AGAP1: variants seen among roughly 807,000 people sequenced by gnomAD.
The protein encoded by AGAP1 is ArfGAP with GTPase domain, ankyrin repeat and PH domain 1.
A neutral mutation model predicts 105.3 loss-of-function variants in AGAP1; 29 were observed. The ratio of observed to expected loss-of-function variants is 0.28; its 90% CI spans 0.21 to 0.38. The LOEUF (loss-of-function observed/expected upper bound fraction) is 0.38, where lower values mean the gene tolerates loss of function less well. Ranked by LOEUF, AGAP1 falls within the 10% of genes least tolerant of loss-of-function variation. The probability of loss-of-function intolerance (pLI) is 1.00; values close to 1 mark genes in which losing one functional copy is unlikely to be tolerated. For missense variants in AGAP1, 998 were observed against 1,165.1 expected, an observed-to-expected ratio of 0.86 and a Z score of 2.09; for synonymous variants, 509 against 485.9, an observed-to-expected ratio of 1.05 and a Z score of -0.63.
At chr2:236,100,302 T>G (rs1262191226) in intron 16 of AGAP1, among the ~76,000 whole-genome samples, 1 of 152,230 alleles carries the variant, frequency 6.6e-6, no homozygotes, top group Admixed American at 6.5e-5. Flanking sequence ...ATAAAACATC[T>G]GACCAGTTTC....
In AGAP1 at chr2:236,049,119, A is replaced by G; in HGVS notation, c.1952A>G (p.His651Arg). ...ALMCIECSGI[H>R]RNLGTHLSRV... is the part of the protein sequence containing the mutation. ...ATGTGCATCGAATGCTCAGGGATCC[A>G]CCGGAATCTTGGCACCCACCTTTCC... Residue 651 changes from histidine to arginine, a missense_variant, in exon 16 of 18, where the codon CAC (histidine) becomes CGC (arginine). His to Arg is a conservative substitution (Grantham distance 29, BLOSUM62 0). Coordinates refer to ENST00000304032, the MANE Select transcript of AGAP1 (RefSeq NM_001037131.3). 1 of 1,614,206 alleles carries G rather than the reference A, an allele frequency of 6.2e-7. No homozygotes were observed. The highest frequency in any genetic ancestry group is 8.5e-7 in the Non-Finnish European group (1 of 1,180,044).
At chr2:235,590,504 G>A (rs1945289398) in intron 1 of AGAP1, among the ~76,000 whole-genome samples, 1 of 152,008 alleles carries the variant, frequency 6.6e-6, no homozygotes, top group African/African-American at 2.4e-5. Flanking sequence ...GCTGGAAACC[G>A]TGACCATGCC....
chr2:235,507,853 A>G (rs1204131585), intron 1 of AGAP1, among the ~76,000 whole-genome samples: 1 of 152,096 alleles, frequency 6.6e-6, no homozygotes, highest in African/African-American at 2.4e-5. Context: ...CAGGTGTGTT[A>G]TATAGGTAAG....
rs1947982797 is a variant in AGAP1, at chr2:235,662,258, A to T, written c.164-46921A>T. 1.3e-5 allele frequency among the ~76,000 whole-genome samples: 2 copies of T among 152,190 alleles called. No individual in the cohort carries two copies. The highest frequency in any genetic ancestry group is 2.9e-5 in the Non-Finnish European group (2 of 68,042). On this transcript the variant is annotated intron_variant, in intron 1 of 17. Transcript: ENST00000304032. The surrounding 1 kb of genome is among the most constrained non-coding windows in gnomAD (Gnocchi z 4.2). The stretch of plus-strand genomic sequence containing the variant: ...ACTCAGTTGCATGCCAGGTAGTCAC[A>T]TCTTAACTTGTGGCGCGGCTTTAGA...
At chr2:235,956,905 C>G (rs555831922) in intron 12 of AGAP1, among the ~76,000 whole-genome samples, 73 of 152,368 alleles carry the variant, frequency 4.8e-4, no homozygotes, top group African/African-American at 1.7e-3. Context: ...ACCCTCTCCC[C>G]CGTCTCACTA....
At chr2:235,803,518 G>A (rs145919191) in intron 8 of AGAP1, among the ~76,000 whole-genome samples, 3 of 152,282 alleles carry the variant, frequency 2.0e-5, no homozygotes, top group East Asian at 1.9e-4. Context: ...ATAAAAATTC[G>A]TGCAGACTGG....
chr2:236,067,806 A>C (rs751857867), intron 16 of AGAP1, among the ~76,000 whole-genome samples: 1 of 152,186 alleles, frequency 6.6e-6, no homozygotes, highest in Non-Finnish European at 1.5e-5. Flanking sequence ...AGTGTTTTTC[A>C]CAAGAGTCTC....
intron 11 of AGAP1, among the ~76,000 whole-genome samples, chr2:235,924,919 C>T (rs929665486): frequency 1.3e-4 from 19 of 148,938 alleles, no homozygotes; most frequent in African/African-American, 4.6e-4. Flanking sequence ...TAACACAGAG[C>T]AGAGAGCACC....
chr2:235,772,785 A>C (rs1955560319), intron 6 of AGAP1, among the ~76,000 whole-genome samples: 1 of 152,236 alleles, frequency 6.6e-6, no homozygotes, highest in South Asian at 2.1e-4. Flanking sequence ...GCGAGTAGAC[A>C]GGCAGAGGCC....
chr2:235,942,770 T>G (rs916630625), intron 12 of AGAP1, among the ~76,000 whole-genome samples: 1 of 152,158 alleles, frequency 6.6e-6, no homozygotes, highest in African/African-American at 2.4e-5. Context: ...AGTCCCCATG[T>G]TTGCAGCTGC....
At chr2:235,778,269 G>A (rs1956030696) in intron 6 of AGAP1, among the ~76,000 whole-genome samples, 1 of 152,124 alleles carries the variant, frequency 6.6e-6, no homozygotes, top group African/African-American at 2.4e-5. Flanking sequence ...AGCCACCATC[G>A]CCCCGCCTGG....
chr2:236,068,563 G>A (rs2058409622), intron 16 of AGAP1, among the ~76,000 whole-genome samples: 1 of 151,962 alleles, frequency 6.6e-6, no homozygotes, highest in South Asian at 2.1e-4. Flanking sequence ...CACTTTCGGA[G>A]GCCGAGGCGG....
At chr2:235,575,580 AGCTGT>A in intron 1 of AGAP1, among the ~76,000 whole-genome samples, 2 of 149,212 alleles carry the variant, frequency 1.3e-5, no homozygotes, top group Non-Finnish European at 2.9e-5. Flanking sequence ...CTCCTCCGTG[AGCTGT>A]GCTCACGGGT....
Position 235,901,856 on chromosome 2 carries a change from G to A in AGAP1, c.1156-6882G>A, listed in dbSNP as rs2124999460. ...ATCACACCACTGTACTCCAGCCTGG[G>A]CGACAGAGTGAGACTCCGTCTCGGA... On this transcript the variant is annotated intron_variant, in intron 10 of 17. Coordinates refer to ENST00000304032, the MANE Select transcript of AGAP1 (RefSeq NM_001037131.3). This position sits in a 1 kb window ranked among gnomAD's most constrained non-coding sequence, Gnocchi z 4.3. Among the ~76,000 whole-genome samples the A allele has an allele frequency of 6.7e-6, 1 of 150,292 alleles. No individual in the cohort carries two copies. The highest frequency in any genetic ancestry group is 2.0e-4 in the East Asian group (1 of 5,002).
intron 1 of AGAP1, among the ~76,000 whole-genome samples, chr2:235,538,354 T>A (rs1164756991): frequency 6.6e-6 from 1 of 151,986 alleles, no homozygotes; most frequent in Non-Finnish European, 1.5e-5. Context: ...ACAAAATGCA[T>A]TGGATTCTAC....
rs1450130311 is a variant in AGAP1 at position 235,872,032 on chromosome 2, C to T, written c.1051-11313C>T. ...TCCTTATCCATGAAATGAGAATCGT[C>T]GTGGATATCAGTTGTGATTGCAGTT... On this transcript the variant is annotated intron_variant, in intron 9 of 17. Coordinates refer to ENST00000304032, the MANE Select transcript of AGAP1 (RefSeq NM_001037131.3). The surrounding 1 kb of genome is among the most constrained non-coding windows in gnomAD (Gnocchi z 4.5). 1.3e-5 allele frequency among the ~76,000 whole-genome samples: 2 copies of T among 152,108 alleles called. No individual in the cohort carries two copies. Among genetic ancestry groups the T allele is most frequent in the African/African-American group, 4.8e-5 (2 of 41,418 alleles).
At chr2:235,925,593 G>A (rs2052407199) in intron 11 of AGAP1, among the ~76,000 whole-genome samples, 1 of 152,146 alleles carries the variant, frequency 6.6e-6, no homozygotes, top group South Asian at 2.1e-4. Flanking sequence ...GCAAGCACTT[G>A]GGCGTTTCCT....
intron 1 of AGAP1, among the ~76,000 whole-genome samples, chr2:235,640,134 G>T (rs4663206): frequency 0.66 from 100,798 of 152,154 alleles, 33,647 homozygotes; most frequent in East Asian, 0.75. Context: ...GGGTGAGGTG[G>T]ACAGTTGCTC....
In AGAP1 at chr2:235,635,152, G is replaced by T. The variant is rs1946954557; in HGVS notation, c.164-74027G>T. 6.6e-6 allele frequency among the ~76,000 whole-genome samples: 1 copy of T among 152,170 alleles called. No individual in the cohort carries two copies. Among genetic ancestry groups the T allele is most frequent in the Non-Finnish European group, 1.5e-5 (1 of 68,046 alleles). On this transcript the variant is annotated intron_variant, in intron 1 of 17. Transcript: ENST00000304032. The surrounding 1 kb of genome is among the most constrained non-coding windows in gnomAD (Gnocchi z 5.3). ...TGTGGTATAAGTAGAAAGAGCAGCT[G>T]GACTTAGAGACAGGCGTCCTGAGTG...
Sources: allele counts gnomAD v4.1 joint callset (sites outside exome capture counted in the v4.1 genomes callset), GRCh38; gene constraint gnomAD v4.1.1; non-coding constraint Gnocchi (gnomAD v3.1); transcripts MANE v1.5; gene names NCBI Gene and HGNC (gene_info 2026-07-23, HGNC 2026-07-21).